NCAPG: variants seen among roughly 807,000 people sequenced by gnomAD.
The protein encoded by NCAPG is non-SMC condensin I complex subunit G.
A neutral mutation model predicts 113.1 loss-of-function variants in NCAPG; 69 were observed. That is an observed-to-expected ratio of 0.61 (90% CI 0.50 to 0.75). The LOEUF (loss-of-function observed/expected upper bound fraction) is 0.75, where lower values mean the gene tolerates loss of function less well. NCAPG is among the 30% of genes least tolerant of loss of function. NCAPG has a pLI of 0.00. For synonymous variants in NCAPG, 370 were observed against 415.8 expected, an observed-to-expected ratio of 0.89 and a Z score of 1.34; for missense variants, 1,058 against 1,177.0, an observed-to-expected ratio of 0.90 and a Z score of 1.48.
At chr4:17,832,656 T>C (rs1033683620) in intron 13 of NCAPG, among the ~76,000 whole-genome samples, 1 of 152,162 alleles carries the variant, frequency 6.6e-6, no homozygotes, top group African/African-American at 2.4e-5. Context: ...CTTTTGGTAG[T>C]ATCTGATAGT....
chr4:17,820,475 G>A (rs1185116211), intron 7 of NCAPG, among the ~76,000 whole-genome samples: 1 of 151,992 alleles, frequency 6.6e-6, no homozygotes, highest in Non-Finnish European at 1.5e-5. Flanking sequence ...GGTGGCAGGC[G>A]CCTGTAGTCC....
intron 19 of NCAPG, 129 bp from the exon 20 acceptor site, chr4:17,842,170 GATGGCTAGAAC>G: frequency 1.6e-6 from 1 of 623,588 alleles, no homozygotes; most frequent in Non-Finnish European, 2.8e-6. Context: ...CTGGTACCAA[GATGGCTAGAAC>G]AAGTAGGAGA....
intron 12 of NCAPG, among the ~76,000 whole-genome samples, chr4:17,828,910 C>T (rs1030589382): frequency 6.8e-6 from 1 of 147,880 alleles, no homozygotes; most frequent in Non-Finnish European, 1.5e-5. Flanking sequence ...TTAGTAGCCA[C>T]ATTAAAAAAA....
At chr4:17,825,898 T>C (rs780917557) in intron 11 of NCAPG, among the ~76,000 whole-genome samples, 1 of 152,086 alleles carries the variant, frequency 6.6e-6, no homozygotes, top group Non-Finnish European at 1.5e-5. Flanking sequence ...GGAAAATACA[T>C]CCATTTTCCT....
At chr4:17,825,332 C>T in intron 10 of NCAPG, 50 bp from the exon 11 acceptor site, 2 of 1,446,876 alleles carry the variant, frequency 1.4e-6, no homozygotes, top group Non-Finnish European at 1.9e-6. Context: ...TACAGATATT[C>T]ATATTAACAG....
At chr4:17,837,461 T>C (rs1722149774) in intron 15 of NCAPG, 121 bp downstream of exon 15, 1 of 1,237,424 alleles carries the variant, frequency 8.1e-7, no homozygotes, top group Non-Finnish European at 1.1e-6. Context: ...AGATAAATGA[T>C]GAAATGACAA....
At chr4:17,830,272 G>A (rs1341198110) in intron 12 of NCAPG, among the ~76,000 whole-genome samples, 1 of 151,844 alleles carries the variant, frequency 6.6e-6, no homozygotes, top group Non-Finnish European at 1.5e-5. Context: ...TCGGGCCTGT[G>A]CTGTCAGCTA....
At chr4:17,827,090 G>A (rs1332498420) in intron 11 of NCAPG, among the ~76,000 whole-genome samples, 1 of 152,198 alleles carries the variant, frequency 6.6e-6, no homozygotes, top group East Asian at 1.9e-4. Context: ...ATGAATTATG[G>A]AAGGAATGTT....
At chr4:17,825,164 A>T in intron 10 of NCAPG, 107 bp downstream of exon 10, 1 of 839,068 alleles carries the variant, frequency 1.2e-6, no homozygotes, top group East Asian at 2.7e-5. Flanking sequence ...TAATCAAATT[A>T]TTGTTTAATT....
Position 17,822,927 on chromosome 4 carries a change from A to C in NCAPG, c.1119-56A>C, listed in dbSNP as rs1190056924. On this transcript the variant is annotated intron_variant, in intron 7 of 20. Coordinates refer to ENST00000251496, the MANE Select transcript of NCAPG (RefSeq NM_022346.5). ...CTTTTCTGACCTAATGGTGGGAATCAACTCTTGTTTGATGTTTCTTAAAAG... is the reference window on the plus strand; with the variant it reads ...CTTTTCTGACCTAATGGTGGGAATCCACTCTTGTTTGATGTTTCTTAAAAG... 3.5e-6 allele frequency: 5 copies of C among 1,433,104 alleles called. No individual in the cohort carries two copies. The African/African-American group carries it at 7.3e-5, about 21-fold the overall frequency. 88.8% of individuals were successfully genotyped at this position (1,433,104 alleles called of 1,614,324 possible). A position where few individuals can be genotyped will look rare whatever the true frequency, so the allele number is the denominator to read the frequency against.
chr4:17,837,739 C>G lies in NCAPG; in HGVS notation c.2404C>G (p.Leu802Val). The change falls in exon 16 of 21, where the codon CTT (leucine) becomes GTT (valine). Residue 802 changes from leucine (L) to valine (V), a missense_variant. Coordinates refer to ENST00000251496, the MANE Select transcript of NCAPG (RefSeq NM_022346.5). Reference protein sequence around the residue: ...EIDITNVAELLVDLTRPSGLN... With the variant: ...EIDITNVAELVVDLTRPSGLN... ...TGATATCACAAATGTTGCTGAGTTA[C>G]TTGTAGATTTGACAAGACCAAGTGG... 1 of 1,613,944 alleles carries G rather than the reference C, an allele frequency of 6.2e-7. No individual in the cohort carries two copies. The highest frequency in any genetic ancestry group is 8.5e-7 in the Non-Finnish European group (1 of 1,179,874).
intron 14 of NCAPG, among the ~76,000 whole-genome samples, chr4:17,835,267 C>T (rs1275833566): frequency 6.6e-6 from 1 of 152,028 alleles, no homozygotes; most frequent in Non-Finnish European, 1.5e-5. Flanking sequence ...AGTGCAGTGG[C>T]GTGATCATAG....
In NCAPG at chr4:17,817,920, C is replaced by T. The variant is rs752033650; in HGVS notation, c.969-19C>T. 23 of 1,579,202 alleles carry T rather than the reference C, an allele frequency of 1.5e-5. No homozygotes were observed. The East Asian group carries it at 5.0e-4, about 34-fold the overall frequency. Reference sequence around the variant, plus strand: ...TAAAAAGATCATGCTTTCTCTCACACTCTTTCTTTTAAATGAAGGAAATTG... The same window carrying T: ...TAAAAAGATCATGCTTTCTCTCACATTCTTTCTTTTAAATGAAGGAAATTG... On this transcript the variant is annotated intron_variant, in intron 6 of 20. Transcript: ENST00000251496.
rs112620897 is a variant in NCAPG at position 17,813,083 on chromosome 4, A to T, written c.482A>T (p.Gln161Leu). 5.6e-6 allele frequency: 9 copies of T among 1,614,102 alleles called. No individual in the cohort carries two copies. Residue 161 changes from glutamine (Q) to leucine (L), a missense_variant, in exon 3 of 21, where the codon CAG (glutamine) becomes CTG (leucine). Gln to Leu is a moderately radical substitution (Grantham distance 113). Coordinates refer to ENST00000251496, the MANE Select transcript of NCAPG (RefSeq NM_022346.5). Reference sequence around the variant, plus strand: ...GATAAGATTCCAAATGTGAGAATACAGGCAGTTCTGGCGCTTTCACGACTT... The same window carrying T: ...GATAAGATTCCAAATGTGAGAATACTGGCAGTTCTGGCGCTTTCACGACTT... The part of the protein sequence containing the change: ...LKDKIPNVRI[Q>L]AVLALSRLQD...
intron 13 of NCAPG, among the ~76,000 whole-genome samples, chr4:17,833,969 G>A (rs1389160255): frequency 6.6e-6 from 1 of 152,074 alleles, no homozygotes; most frequent in Non-Finnish European, 1.5e-5. Flanking sequence ...TAAAATCATA[G>A]TTGAAGGCAT....
chr4:17,825,299 A>G (rs1721617309), intron 10 of NCAPG, 83 bp from the exon 11 acceptor site: 1 of 1,250,784 alleles, frequency 8.0e-7, no homozygotes, highest in South Asian at 1.6e-5. Context: ...CAGTTGAGAT[A>G]TTAAATAATA....
chr4:17,829,470 C>T (rs1396552381), intron 12 of NCAPG, among the ~76,000 whole-genome samples: 1 of 152,114 alleles, frequency 6.6e-6, no homozygotes, highest in Non-Finnish European at 1.5e-5. Flanking sequence ...AAAAGTGATG[C>T]TTAATTTGTG....
chr4:17,834,480 C>T lies in NCAPG; in HGVS notation c.2066C>T (p.Ala689Val), dbSNP rs1180807010. 6.2e-7 allele frequency: 1 copy of T among 1,602,302 alleles called. No homozygotes were observed. Among genetic ancestry groups the T allele is most frequent in the Admixed American group, 1.7e-5 (1 of 58,684 alleles). ...ESKEVEETAT[A>V]KNVLKLLSDF... Reference sequence around the variant, plus strand: ...AAAGAAGTTGAAGAGACTGCTACAGCTAAGAATGTTCTGAAACTCCTTTCT... The same window carrying T: ...AAAGAAGTTGAAGAGACTGCTACAGTTAAGAATGTTCTGAAACTCCTTTCT... The change falls in exon 14 of 21, where the codon GCT becomes GTT. Residue 689 changes from alanine (A) to valine (V), a missense_variant. By Grantham distance (64) the Ala-to-Val change is moderately conservative (BLOSUM62 0). Coordinates refer to ENST00000251496, the MANE Select transcript of NCAPG (RefSeq NM_022346.5).
In NCAPG at chr4:17,843,726, T is replaced by C. The variant is rs1021163492; in HGVS notation, c.*301T>C. On this transcript the variant is annotated 3_prime_UTR_variant, in exon 21 of 21. Coordinates refer to ENST00000251496, the MANE Select transcript of NCAPG (RefSeq NM_022346.5). ...TGAACTCTTTATGTTTAAAATCATG[T>C]CATTATGGAAAACTTACAAGTGTAA... is the stretch of plus-strand genomic sequence containing the variant. 5.4e-6 allele frequency: 1 copy of C among 184,112 alleles called. No homozygotes were observed. Among genetic ancestry groups the C allele is most frequent in the Non-Finnish European group, 1.1e-5 (1 of 87,260 alleles). The allele number at this position is 184,112 out of a possible 1,614,324, so 11.4% of individuals were successfully genotyped here. A position where few individuals can be genotyped will look rare whatever the true frequency, so the allele number is the denominator to read the frequency against.
Sources: allele counts gnomAD v4.1 joint callset (sites outside exome capture counted in the v4.1 genomes callset), GRCh38; gene constraint gnomAD v4.1.1; transcripts MANE v1.5; gene names NCBI Gene and HGNC (gene_info 2026-07-23, HGNC 2026-07-21).